TMEM131L: variants seen among roughly 807,000 people sequenced by gnomAD.
The protein encoded by TMEM131L is transmembrane protein 131-like.
In TMEM131L, 54 loss-of-function variants were observed where a neutral mutation model predicts 192.2. That is an observed-to-expected ratio of 0.28 (90% CI 0.23 to 0.35). The LOEUF (loss-of-function observed/expected upper bound fraction) is 0.35. TMEM131L is among the 10% of genes least tolerant of loss of function. The pLI is 1.00. For missense variants in TMEM131L, 1,888 were observed against 1,972.9 expected (o/e 0.96, Z 0.82); for synonymous variants, 701 against 704.9 (o/e 0.99, Z 0.09).
intron 25 of TMEM131L, among the ~76,000 whole-genome samples, chr4:153,604,756 G>GTGCA (rs567917756): frequency 6.6e-6 from 1 of 152,168 alleles, no homozygotes; most frequent in Non-Finnish European, 1.5e-5. Context: ...CCAGGCTAGA[G>GTGCA]TGCAGTGGTG....
chr4:153,477,969 C>T (rs997679381), intron 3 of TMEM131L, among the ~76,000 whole-genome samples: 3 of 152,212 alleles, frequency 2.0e-5, no homozygotes, highest in Admixed American at 1.3e-4. Context: ...CCATCAACCT[C>T]CAATCTCCTA....
At chr4:153,561,062 T>TAA (rs1728815276) in intron 7 of TMEM131L, among the ~76,000 whole-genome samples, 1 of 152,238 alleles carries the variant, frequency 6.6e-6, no homozygotes, top group Admixed American at 6.5e-5. Context: ...TTTTGTTTGT[T>TAA]TTTTAAATAG....
intron 3 of TMEM131L, among the ~76,000 whole-genome samples, chr4:153,507,393 C>T (rs924027230): frequency 5.3e-5 from 8 of 152,162 alleles, no homozygotes; most frequent in Admixed American, 6.5e-5. Flanking sequence ...CACATCTCCA[C>T]GTCCCCCATG....
Position 153,585,581 on chromosome 4 carries a change from T to G in TMEM131L, c.1281T>G (p.Phe427Leu). 6.2e-7 allele frequency: 1 copy of G among 1,613,918 alleles called. No individual in the cohort carries two copies. The highest frequency in any genetic ancestry group is 8.5e-7 in the Non-Finnish European group (1 of 1,179,890). ...GTAGTGTTGTATTAAATGATGTGTTTCTTTCCAAGGAGACCAAGCACATGT... is the reference window on the plus strand; with the variant it reads ...GTAGTGTTGTATTAAATGATGTGTTGCTTTCCAAGGAGACCAAGCACATGT... ...FDRSVVLNDV[F>L]LSKETKHMLK... The change falls in exon 13 of 35, where the codon TTT becomes TTG. Residue 427 changes from phenylalanine to leucine, a missense_variant. Phe to Leu is a conservative substitution (Grantham distance 22, BLOSUM62 0). Coordinates refer to ENST00000409959, the MANE Select transcript of TMEM131L (RefSeq NM_001131007.2).
At chr4:153,488,430 G>T (rs1732519407) in intron 3 of TMEM131L, among the ~76,000 whole-genome samples, 1 of 152,216 alleles carries the variant, frequency 6.6e-6, no homozygotes, top group Non-Finnish European at 1.5e-5. Context: ...CCGGGCCCTG[G>T]TGAGGGCAGG....
chr4:153,602,163 A>G lies in TMEM131L; in HGVS notation c.2278A>G (p.Ser760Gly). 1.3e-6 allele frequency: 2 copies of G among 1,588,498 alleles called. No homozygotes were observed. Among genetic ancestry groups the G allele is most frequent in the Non-Finnish European group, 8.6e-7 (1 of 1,165,636 alleles). The change falls in exon 22 of 35, where the codon AGT becomes GGT. Residue 760 changes from serine to glycine, a missense_variant. Ser to Gly is a moderately conservative substitution (Grantham distance 56, BLOSUM62 0). Coordinates refer to ENST00000409959, the MANE Select transcript of TMEM131L (RefSeq NM_001131007.2). Reference sequence around the variant, plus strand: ...TTGGTTCCCATTAGAACTGAAAGACAGTAAGCAAATTTTATCTATTACAAA... The same window carrying G: ...TTGGTTCCCATTAGAACTGAAAGACGGTAAGCAAATTTTATCTATTACAAA... ...LMDCRRQLKD[S>G]KQILSITKNF... is the part of the protein sequence containing the mutation.
At chr4:153,621,426 A>G (rs930423784) in intron 27 of TMEM131L, among the ~76,000 whole-genome samples, 1 of 152,228 alleles carries the variant, frequency 6.6e-6, no homozygotes, top group Non-Finnish European at 1.5e-5. Context: ...GGGCAGATCC[A>G]GAATTCGAAC....
chr4:153,556,839 T>C, intron 5 of TMEM131L, 127 bp from the exon 6 acceptor site: 1 of 556,156 alleles, frequency 1.8e-6, no homozygotes, highest in South Asian at 2.2e-5. Flanking sequence ...TAGGGATTCA[T>C]AATACTGATA....
chr4:153,489,429 A>G (rs2149868720), intron 3 of TMEM131L, among the ~76,000 whole-genome samples: 1 of 152,260 alleles, frequency 6.6e-6, no homozygotes, highest in East Asian at 1.9e-4. Context: ...TATCTGTAGG[A>G]GCACGTCCAA....
At chr4:153,527,807 T>C (rs1735606906) in intron 3 of TMEM131L, among the ~76,000 whole-genome samples, 1 of 152,212 alleles carries the variant, frequency 6.6e-6, no homozygotes, top group Non-Finnish European at 1.5e-5. Flanking sequence ...GAGTGTCATC[T>C]TGGGCCCCTG....
intron 3 of TMEM131L, among the ~76,000 whole-genome samples, chr4:153,536,992 C>T (rs1476133874): frequency 6.6e-6 from 1 of 152,122 alleles, no homozygotes; most frequent in Non-Finnish European, 1.5e-5. Context: ...ATCCTGGCTG[C>T]GCTGGCAGCT....
Position 153,592,707 on chromosome 4 carries a change from T to C in TMEM131L, c.1922+123T>C, listed in dbSNP as rs1731162156. ...GGATGTGGACACAGTATTAACCGAT[T>C]AGCTCATGGACCTTGGGCATCCTGC... On this transcript the variant is annotated intron_variant, in intron 18 of 34. Transcript: ENST00000409959. 28 of 689,470 alleles carry C rather than the reference T, an allele frequency of 4.1e-5. 2 individuals carry two copies. The South Asian group carries it at 4.6e-4, about 11-fold the overall frequency. The allele number at this position is 689,470 out of a possible 1,614,324, so 42.7% of individuals were successfully genotyped here. A position where few individuals can be genotyped will look rare whatever the true frequency, so the allele number is the denominator to read the frequency against.
In TMEM131L at chr4:153,585,619, T is replaced by C. The variant is rs369953192; in HGVS notation, c.1311+8T>C. The stretch of plus-strand genomic sequence containing the variant: ...ACCAAGCACATGTTAAAGGTACATA[T>C]AGTATTTTTTCCCCAAGTTTTAGCT... On this transcript the variant is annotated splice_region_variant and intron_variant, in intron 13 of 34. Coordinates refer to ENST00000409959, the MANE Select transcript of TMEM131L (RefSeq NM_001131007.2). 7.0e-6 allele frequency: 11 copies of C among 1,575,672 alleles called. No individual in the cohort carries two copies. Among genetic ancestry groups the C allele is most frequent in the African/African-American group, 2.7e-5 (2 of 73,560 alleles).
chr4:153,608,644 C>T (rs1407099906), intron 25 of TMEM131L, among the ~76,000 whole-genome samples: 11 of 152,164 alleles, frequency 7.2e-5, no homozygotes, highest in Admixed American at 2.6e-4. Flanking sequence ...ACATTCCTCA[C>T]CTTTCTGAAA....
chr4:153,574,043 G>A (rs1313725875), intron 7 of TMEM131L, among the ~76,000 whole-genome samples: 1 of 152,216 alleles, frequency 6.6e-6, no homozygotes, highest in Non-Finnish European at 1.5e-5. Context: ...CATAGAAGAG[G>A]AAGCTGAGTC....
At chr4:153,608,151 A>G (rs1732368179) in intron 25 of TMEM131L, among the ~76,000 whole-genome samples, 2 of 152,194 alleles carry the variant, frequency 1.3e-5, no homozygotes, top group East Asian at 3.8e-4. Flanking sequence ...AAATGAAAAA[A>G]AAAATGTGTC....
intron 3 of TMEM131L, among the ~76,000 whole-genome samples, chr4:153,500,167 C>G (rs1042302421): frequency 4.0e-5 from 6 of 151,694 alleles, no homozygotes; most frequent in Admixed American, 3.3e-4. Context: ...ATGGTACAAT[C>G]ATGGCTCACT....
intron 3 of TMEM131L, among the ~76,000 whole-genome samples, chr4:153,475,918 A>G (rs1403101977): frequency 1.3e-5 from 2 of 152,182 alleles, no homozygotes; most frequent in Non-Finnish European, 2.9e-5. Context: ...CCTGGAACCA[A>G]TCTCTCAGGG....
intron 3 of TMEM131L, among the ~76,000 whole-genome samples, chr4:153,498,383 C>T (rs1370384445): frequency 6.6e-6 from 1 of 152,202 alleles, no homozygotes; most frequent in Non-Finnish European, 1.5e-5. Flanking sequence ...TTCCTTTGCT[C>T]TCCCACTCAT....
Sources: gnomAD v4.1 joint callset for allele counts (sites outside exome capture counted in the v4.1 genomes callset) on GRCh38, gnomAD v4.1.1 for gene constraint, MANE v1.5 for transcripts, NCBI Gene and HGNC (gene_info 2026-07-23, HGNC 2026-07-21) for gene names.